The following CSMD1 variants were observed in gnomAD, a reference collection of about 807,000 sequenced individuals.
The protein encoded by CSMD1 is CUB and sushi domain-containing protein 1.
CSMD1 carries 213 observed loss-of-function variants against 417.5 expected under a neutral mutation model. The observed-to-expected ratio is 0.51, with a 90% CI of 0.46 to 0.57. CSMD1 has a LOEUF of 0.57. Ranked by LOEUF, CSMD1 falls within the 20% of genes least tolerant of loss-of-function variation. The pLI is 0.00. For synonymous variants in CSMD1, 2,862 were observed against 1,736.8 expected, an observed-to-expected ratio of 1.65 and a Z score of -16.11; for missense variants, 6,923 against 4,529.7, an observed-to-expected ratio of 1.53 and a Z score of -15.17.
chr8:3,304,036 A>T (rs551947752), intron 25 of CSMD1, among the ~76,000 whole-genome samples: 20 of 152,150 alleles, frequency 1.3e-4, no homozygotes, highest in Non-Finnish European at 2.4e-4. Context: ...GCCTCAATGA[A>T]ATCAATGTAG....
intron 7 of CSMD1, among the ~76,000 whole-genome samples, chr8:3,634,432 C>G (rs989780934): frequency 6.6e-6 from 1 of 152,148 alleles, no homozygotes; most frequent in Non-Finnish European, 1.5e-5. Flanking sequence ...TGGGGTCACA[C>G]GTCATTCCTG....
intron 3 of CSMD1, among the ~76,000 whole-genome samples, chr8:4,149,884 G>A (rs1405871563): frequency 6.6e-6 from 1 of 152,086 alleles, no homozygotes; most frequent in Non-Finnish European, 1.5e-5. Flanking sequence ...GCTGACCCAG[G>A]TCCACTCTAA....
rs553398492 is a variant in CSMD1 at position 3,143,785 on chromosome 8, G to C, written c.6032-1111C>G. ...ATTTTTGCATCTAATATATTTCCTA[G>C]ATTGGGAAAATTAAAGATAACACCT... On this transcript the variant is annotated intron_variant, in intron 40 of 69. Transcript: ENST00000635120. Among the ~76,000 whole-genome samples the C allele has an allele frequency of 2.2e-4, 33 of 152,258 alleles. No homozygotes were observed. In the South Asian group the frequency reaches 2.3e-3, roughly 11 times the overall value.
intron 2 of CSMD1, among the ~76,000 whole-genome samples, chr8:4,592,976 C>A (rs1397279698): frequency 6.6e-6 from 1 of 152,118 alleles, no homozygotes; most frequent in East Asian, 1.9e-4. Context: ...TGTGTTTTCT[C>A]AGGCTTTCCT....
intron 26 of CSMD1, among the ~76,000 whole-genome samples, chr8:3,281,634 C>T (rs1447061477): frequency 1.3e-5 from 2 of 152,092 alleles, no homozygotes. Flanking sequence ...AAAGACAAAA[C>T]TATGGAGACA....
chr8:4,322,105 C>G (rs543080408), intron 3 of CSMD1, among the ~76,000 whole-genome samples: 1 of 152,022 alleles, frequency 6.6e-6, no homozygotes, highest in African/African-American at 2.4e-5. Context: ...TACATAAATA[C>G]TTAATATAAA....
chr8:3,731,650 T>C lies in CSMD1; in HGVS notation c.931+22280A>G, dbSNP rs945401380. Among the ~76,000 whole-genome samples, 6 of 152,104 alleles carry C rather than the reference T, an allele frequency of 3.9e-5. No individual in the cohort carries two copies. In the South Asian group the frequency reaches 6.2e-4, roughly 16 times the overall value. On this transcript the variant is annotated intron_variant, in intron 6 of 69. Transcript: ENST00000635120. Reference sequence around the variant, plus strand: ...AGGATGCACTGAAAGAAGATAGGAATTATGCTCGGTACTGGGAGGTCAGCA... The same window carrying C: ...AGGATGCACTGAAAGAAGATAGGAACTATGCTCGGTACTGGGAGGTCAGCA...
chr8:4,258,268 G>C (rs564665565), intron 3 of CSMD1, among the ~76,000 whole-genome samples: 1 of 139,752 alleles, frequency 7.2e-6, no homozygotes, highest in African/African-American at 2.8e-5. Context: ...AAGGCCTGTC[G>C]CTGTGAGCTA....
chr8:3,743,709 T>G (rs532116994), intron 6 of CSMD1, among the ~76,000 whole-genome samples: 3 of 152,150 alleles, frequency 2.0e-5, no homozygotes, highest in South Asian at 4.1e-4. Flanking sequence ...AAGACATTCC[T>G]AGTGAGCTGC....
chr8:4,860,776 A>C (rs1802083948), intron 1 of CSMD1, among the ~76,000 whole-genome samples: 1 of 152,096 alleles, frequency 6.6e-6, no homozygotes, highest in South Asian at 2.1e-4. Flanking sequence ...TTATCACTAC[A>C]TCCCTGATAA....
chr8:3,495,627 T>G (rs1796333075), intron 10 of CSMD1, among the ~76,000 whole-genome samples: 1 of 152,228 alleles, frequency 6.6e-6, no homozygotes, highest in Non-Finnish European at 1.5e-5. Flanking sequence ...AGACAGCTTT[T>G]AGTTTGTCAT....
At chr8:4,712,184 C>G (rs1360096255) in intron 1 of CSMD1, among the ~76,000 whole-genome samples, 1 of 152,174 alleles carries the variant, frequency 6.6e-6, no homozygotes, top group Non-Finnish European at 1.5e-5. Context: ...TCTTCAGGCT[C>G]AAATGTCTGC....
chr8:3,875,420 G>A (rs1289742718), intron 5 of CSMD1, among the ~76,000 whole-genome samples: 1 of 152,158 alleles, frequency 6.6e-6, no homozygotes, highest in Non-Finnish European at 1.5e-5. Context: ...GATTGGAGGA[G>A]TTCCTGCAGG....
At chr8:4,443,680 C>T (rs1052684320) in intron 2 of CSMD1, among the ~76,000 whole-genome samples, 43 of 152,186 alleles carry the variant, frequency 2.8e-4, no homozygotes, top group African/African-American at 1.0e-3. Context: ...TTATACCATT[C>T]AATCCTGCAA....
At chr8:4,402,474 T>C (rs1585020257) in intron 3 of CSMD1, among the ~76,000 whole-genome samples, 1 of 152,182 alleles carries the variant, frequency 6.6e-6, no homozygotes, top group Non-Finnish European at 1.5e-5. Flanking sequence ...CTGGTCTCTC[T>C]GTATGTTCAT....
At chr8:4,651,042 G>T (rs547883037) in intron 1 of CSMD1, among the ~76,000 whole-genome samples, 4 of 152,120 alleles carry the variant, frequency 2.6e-5, no homozygotes, top group Non-Finnish European at 5.9e-5. Context: ...GATCAAAGCA[G>T]TACAAAGGAT....
intron 3 of CSMD1, among the ~76,000 whole-genome samples, chr8:4,300,212 G>A (rs1797906102): frequency 6.6e-6 from 1 of 152,152 alleles, no homozygotes; most frequent in African/African-American, 2.4e-5. Flanking sequence ...GGTGTGTAAT[G>A]TTCAGTTTTG....
Position 3,893,951 on chromosome 8 carries a change from G to T in CSMD1, c.818+103952C>A, listed in dbSNP as rs190438148. On this transcript the variant is annotated intron_variant, in intron 5 of 69. Coordinates refer to ENST00000635120, the MANE Select transcript of CSMD1 (RefSeq NM_033225.6). Reference sequence around the variant, plus strand: ...AGTTACCGCACGTGTGCACCCAGAGGACCACCCAGAACTTGCTTACTGGCA... The same window carrying T: ...AGTTACCGCACGTGTGCACCCAGAGTACCACCCAGAACTTGCTTACTGGCA... 2.4e-3 allele frequency among the ~76,000 whole-genome samples: 358 copies of T among 151,880 alleles called. 1 individual carries two copies. The highest frequency in any genetic ancestry group is 8.2e-3 in the African/African-American group (338 of 41,414).
intron 23 of CSMD1, among the ~76,000 whole-genome samples, chr8:3,309,215 G>T (rs932386484): frequency 1.2e-4 from 19 of 152,110 alleles, no homozygotes; most frequent in Admixed American, 1.2e-3. Flanking sequence ...CACTGCCAGG[G>T]TGCTTTGCAG....
Sources: allele counts gnomAD v4.1 joint callset (sites outside exome capture counted in the v4.1 genomes callset), GRCh38; gene constraint gnomAD v4.1.1; transcripts MANE v1.5; gene names NCBI Gene and HGNC (gene_info 2026-07-23, HGNC 2026-07-21).